Variants in NR6A1 observed in about 807,000 individuals in gnomAD.
NR6A1 encodes the protein nuclear receptor subfamily 6 group A member 1.
Under a neutral mutation model 59.1 loss-of-function variants are expected in NR6A1, and 7 were observed. The ratio of observed to expected loss-of-function variants is 0.12; its 90% CI spans 0.07 to 0.22. NR6A1 has a LOEUF of 0.22. Ranked by LOEUF, NR6A1 falls within the 10% of genes least tolerant of loss-of-function variation. NR6A1 has a pLI of 1.00. For missense variants in NR6A1, 468 were observed against 611.6 expected, an observed-to-expected ratio of 0.77 and a Z score of 2.48; for synonymous variants, 243 against 236.1, an observed-to-expected ratio of 1.03 and a Z score of -0.27.
At position 124,532,821 on chromosome 9, in the gene NR6A1, G is replaced by A. The variant is rs117600346; in HGVS notation, c.1079+3057C>T. 0.011 allele frequency among the ~76,000 whole-genome samples: 1,646 copies of A among 152,298 alleles called. 33 individuals carry two copies. In the East Asian group the frequency reaches 0.12, roughly 11 times the overall value. On this transcript the variant is annotated intron_variant, in intron 7 of 9. Coordinates refer to ENST00000487099, the MANE Select transcript of NR6A1 (RefSeq NM_033334.4). ...CTACTGAGCACTTGAAATGTGGCTG[G>A]TGCAAATGAGAACTAAATTTCTAAT... is the stretch of plus-strand genomic sequence containing the variant.
chr9:124,657,868 T>C (rs143329166), intron 2 of NR6A1, among the ~76,000 whole-genome samples: 3 of 152,320 alleles, frequency 2.0e-5, no homozygotes, highest in Admixed American at 2.0e-4. Flanking sequence ...ACTTCACTTC[T>C]CTGTTGTCCA....
In NR6A1 at chr9:124,558,881, ATGAACAAAC is replaced by A. The variant is rs577291668; in HGVS notation, c.143-4320_143-4312del. On this transcript the variant is annotated intron_variant, in intron 2 of 9. Coordinates refer to ENST00000487099, the MANE Select transcript of NR6A1 (RefSeq NM_033334.4). ...AAAAAGCCAGGGCCCCCCTTTGTAA[ATGAACAAAC>A]TGAAGCAAATGCCCCTAATCGTGCC... Among the ~76,000 whole-genome samples, 15 of 152,322 alleles carry A rather than the reference ATGAACAAAC, an allele frequency of 9.8e-5. No individual in the cohort carries two copies. The South Asian group carries it at 2.7e-3, about 27-fold the overall frequency.
intron 7 of NR6A1, among the ~76,000 whole-genome samples, chr9:124,534,856 C>T (rs769816483): frequency 5.3e-5 from 8 of 152,140 alleles, no homozygotes; most frequent in African/African-American, 9.7e-5. Context: ...CTAGACCGGG[C>T]GCAGTGGCTC....
At chr9:124,598,395 CAG>C (rs1386653556) in intron 2 of NR6A1, among the ~76,000 whole-genome samples, 3 of 149,432 alleles carry the variant, frequency 2.0e-5, no homozygotes. Flanking sequence ...TTAAGATTAA[CAG>C]TACTGGAATT....
At chr9:124,691,013 G>C (rs1292310639) in intron 2 of NR6A1, among the ~76,000 whole-genome samples, 1 of 152,110 alleles carries the variant, frequency 6.6e-6, no homozygotes. Flanking sequence ...GCATCTAAAG[G>C]TTTGGTGAAG....
intron 3 of NR6A1, among the ~76,000 whole-genome samples, chr9:124,545,965 A>C (rs1833583574): frequency 6.6e-6 from 1 of 152,164 alleles, no homozygotes; most frequent in East Asian, 1.9e-4. Flanking sequence ...AAAATTCAAA[A>C]TTAGCCGGGC....
chr9:124,565,376 G>A (rs1406774748), intron 2 of NR6A1, among the ~76,000 whole-genome samples: 1 of 152,056 alleles, frequency 6.6e-6, no homozygotes, highest in African/African-American at 2.4e-5. Context: ...GCAGTGAGCC[G>A]AGATCGTGCC....
intron 2 of NR6A1, among the ~76,000 whole-genome samples, chr9:124,570,380 T>C (rs1834406131): frequency 6.6e-6 from 1 of 152,214 alleles, no homozygotes; most frequent in South Asian, 2.1e-4. Flanking sequence ...TTTGATACTT[T>C]TTGGTTTACA....
chr9:124,719,020 C>A (rs1473875568), intron 2 of NR6A1, among the ~76,000 whole-genome samples: 1 of 151,970 alleles, frequency 6.6e-6, no homozygotes, highest in African/African-American at 2.4e-5. Flanking sequence ...AAAGAAGCAT[C>A]TGTAAACATA....
chr9:124,681,607 T>G (rs1328866487), intron 2 of NR6A1, among the ~76,000 whole-genome samples: 3 of 152,168 alleles, frequency 2.0e-5, no homozygotes, highest in African/African-American at 7.2e-5. Context: ...CCCAAAGTGC[T>G]GGGATTACAG....
intron 2 of NR6A1, among the ~76,000 whole-genome samples, chr9:124,570,023 T>A (rs1228346483): frequency 6.6e-6 from 1 of 152,206 alleles, no homozygotes; most frequent in Non-Finnish European, 1.5e-5. Flanking sequence ...AAAAAAAAAT[T>A]AAGCTGAAAG....
chr9:124,553,491 C>G (rs892715012), intron 3 of NR6A1, among the ~76,000 whole-genome samples: 8 of 150,816 alleles, frequency 5.3e-5, no homozygotes, highest in Non-Finnish European at 1.2e-4. Context: ...TTTGCCCCAC[C>G]CTTTTTCTTT....
intron 2 of NR6A1, among the ~76,000 whole-genome samples, chr9:124,620,638 T>G (rs1836042116): frequency 6.6e-6 from 1 of 152,108 alleles, no homozygotes; most frequent in Non-Finnish European, 1.5e-5. Context: ...ATAGAGACAG[T>G]AGGATTAAGG....
rs572469874 is a variant in NR6A1 at position 124,623,506 on chromosome 9, T to C, written c.143-68936A>G. Among the ~76,000 whole-genome samples the C allele has an allele frequency of 5.8e-4, 87 of 151,286 alleles. 1 individual carries two copies. In the South Asian group the frequency reaches 0.018, roughly 31 times the overall value. On this transcript the variant is annotated intron_variant, in intron 2 of 9. Transcript: ENST00000487099. ...TCCCAACTAGCTAGGACTACAGGCA[T>C]GAGCTACCATGCCTGGCTAATTTTT...
intron 1 of NR6A1, among the ~76,000 whole-genome samples, chr9:124,769,251 TTAAAA>T (rs947095974): frequency 1.2e-5 from 1 of 81,358 alleles, no homozygotes; most frequent in African/African-American, 7.5e-5. Flanking sequence ...CATACACAAA[TTAAAA>T]AAAAAAAAAA....
intron 2 of NR6A1, among the ~76,000 whole-genome samples, chr9:124,617,989 G>A (rs1835949216): frequency 6.6e-6 from 1 of 152,128 alleles, no homozygotes; most frequent in South Asian, 2.1e-4. Flanking sequence ...AAAGATTACT[G>A]AAGCCCAACC....
At chr9:124,673,558 T>TA (rs1318921092) in intron 2 of NR6A1, among the ~76,000 whole-genome samples, 1 of 152,002 alleles carries the variant, frequency 6.6e-6, no homozygotes, top group Non-Finnish European at 1.5e-5. Flanking sequence ...GAGGCAGAAA[T>TA]AAATATCATA....
In NR6A1 at chr9:124,613,077, C is replaced by T. The variant is rs533570564; in HGVS notation, c.143-58507G>A. 1.1e-3 allele frequency among the ~76,000 whole-genome samples: 174 copies of T among 152,246 alleles called. 1 individual carries two copies. Among genetic ancestry groups the T allele is most frequent in the African/African-American group, 3.8e-3 (158 of 41,544 alleles). The stretch of plus-strand genomic sequence containing the variant: ...CAAAGCCAGGAGTGGTGGCTTATAC[C>T]TGTAATCCCAGCCTTTGGGAGGCTG... On this transcript the variant is annotated intron_variant, in intron 2 of 9. Coordinates refer to ENST00000487099, the MANE Select transcript of NR6A1 (RefSeq NM_033334.4).
chr9:124,601,702 C>T (rs149535315), intron 2 of NR6A1, among the ~76,000 whole-genome samples: 132 of 151,996 alleles, frequency 8.7e-4, no homozygotes, highest in Middle Eastern at 3.4e-3. Context: ...GTGGCTCACA[C>T]CTGTAATCCC....
Sources: gnomAD v4.1 joint callset for allele counts (sites outside exome capture counted in the v4.1 genomes callset) on GRCh38, gnomAD v4.1.1 for gene constraint, MANE v1.5 for transcripts, NCBI Gene and HGNC (gene_info 2026-07-23, HGNC 2026-07-21) for gene names.